Variants in STK33 observed in about 807,000 individuals in gnomAD.
The protein encoded by STK33 is serine/threonine kinase 33.
In STK33, 52 loss-of-function variants were observed where a neutral mutation model predicts 58.0. That is an observed-to-expected ratio of 0.90 (90% CI 0.72 to 1.13). STK33 has a LOEUF of 1.13. Among genes scored for constraint, STK33 ranks in the 50% most tolerant of loss-of-function variants. The probability of loss-of-function intolerance (pLI) is 0.00; values close to 1 mark genes in which losing one functional copy is unlikely to be tolerated. For synonymous variants in STK33, 215 were observed against 200.1 expected (o/e 1.07, Z -0.63); for missense variants, 630 against 604.2 (o/e 1.04, Z -0.45).
chr11:8,470,634 G>C (rs193119931), intron 6 of STK33, among the ~76,000 whole-genome samples: 3 of 152,052 alleles, frequency 2.0e-5, no homozygotes, highest in South Asian at 2.1e-4. Context: ...TCTGGCTTTC[G>C]ATTTAAAGTG....
intron 15 of STK33, among the ~76,000 whole-genome samples, chr11:8,399,099 G>C (rs994807574): frequency 6.6e-6 from 1 of 152,174 alleles, no homozygotes; most frequent in Admixed American, 6.5e-5. Flanking sequence ...ATTGAACTCA[G>C]CTCTGCACCA....
intron 9 of STK33, among the ~76,000 whole-genome samples, chr11:8,456,882 G>A (rs982867485): frequency 1.3e-5 from 2 of 152,034 alleles, no homozygotes; most frequent in African/African-American, 4.8e-5. Flanking sequence ...ATCTAGTGGG[G>A]GATTTTGACA....
At chr11:8,572,828 G>A (rs916525400) in intron 1 of STK33, among the ~76,000 whole-genome samples, 21 of 151,658 alleles carry the variant, frequency 1.4e-4, no homozygotes, top group South Asian at 6.3e-4. Flanking sequence ...AGATACTGCC[G>A]AAGAAAAAAA....
chr11:8,517,733 G>T (rs1367519503), intron 1 of STK33, among the ~76,000 whole-genome samples: 2 of 151,980 alleles, frequency 1.3e-5, no homozygotes, highest in African/African-American at 2.4e-5. Flanking sequence ...AGGAGGAAAG[G>T]GTATCAGTGA....
chr11:8,458,936 C>T (rs777010623), intron 8 of STK33, among the ~76,000 whole-genome samples: 8 of 152,270 alleles, frequency 5.3e-5, no homozygotes, highest in African/African-American at 1.9e-4. Context: ...TAGCGCAATT[C>T]AGATTCACTG....
intron 1 of STK33, among the ~76,000 whole-genome samples, chr11:8,544,384 T>C (rs1420267288): frequency 6.7e-6 from 1 of 148,850 alleles, no homozygotes; most frequent in Non-Finnish European, 1.5e-5. Flanking sequence ...ATATATTCCA[T>C]ATTTATCCTT....
At chr11:8,452,310 G>C (rs1373989315) in intron 11 of STK33, among the ~76,000 whole-genome samples, 1 of 152,140 alleles carries the variant, frequency 6.6e-6, no homozygotes, top group Non-Finnish European at 1.5e-5. Context: ...ACAACTTTAA[G>C]AAGAGCCCAG....
chr11:8,498,920 C>T (rs1440190538), intron 1 of STK33, among the ~76,000 whole-genome samples: 1 of 152,156 alleles, frequency 6.6e-6, no homozygotes, highest in African/African-American at 2.4e-5. Flanking sequence ...ATACCTTATA[C>T]AAAAATTAAC....
intron 1 of STK33, among the ~76,000 whole-genome samples, chr11:8,509,926 T>C (rs1299459996): frequency 6.6e-6 from 1 of 152,222 alleles, no homozygotes; most frequent in African/African-American, 2.4e-5. Flanking sequence ...TTTAGGTTGG[T>C]TCCATATTTT....
intron 1 of STK33, among the ~76,000 whole-genome samples, chr11:8,526,637 G>A (rs960082643): frequency 2.0e-5 from 3 of 151,832 alleles, no homozygotes; most frequent in Non-Finnish European, 4.4e-5. Context: ...GGATGAATAC[G>A]ATGGTATATT....
At chr11:8,401,556 A>G (rs1030783265) in intron 15 of STK33, among the ~76,000 whole-genome samples, 1 of 152,226 alleles carries the variant, frequency 6.6e-6, no homozygotes, top group Admixed American at 6.5e-5. Flanking sequence ...GGACATAGGC[A>G]TGGGCAAGGA....
chr11:8,454,666 T>A (rs2137013874), intron 10 of STK33, 78 bp downstream of exon 10: 1 of 1,450,698 alleles, frequency 6.9e-7, no homozygotes, highest in Non-Finnish European at 9.1e-7. Flanking sequence ...GCAACATGTG[T>A]CTAAAAAGAG....
At chr11:8,358,103 GTCT>G in the STK33 span, among the ~76,000 whole-genome samples, 1 of 152,186 alleles carries the variant, frequency 6.6e-6, no homozygotes, top group Non-Finnish European at 1.5e-5. Flanking sequence ...CTGCCCACAT[GTCT>G]TCTATTATGA....
rs940325833 is a variant in STK33 at position 8,473,201 on chromosome 11, C to G, written c.301G>C (p.Val101Leu). 3.1e-6 allele frequency: 5 copies of G among 1,613,182 alleles called. No individual in the cohort carries two copies. The East Asian group carries it at 1.1e-4, about 36-fold the overall frequency. Residue 101 changes from valine to leucine, a missense_variant, in exon 6 of 16, where the codon GTT (valine) becomes CTT (leucine). Coordinates refer to ENST00000687296, the MANE Select transcript of STK33 (RefSeq NM_001352389.2). The part of the protein sequence containing the change: ...WGRGNFTEGK[V>L]PHIRIENGAA... ...CCATTCTCAATCCTTATGTGAGGAA[C>G]TTTTCCTTCTGTAAAGTTGCCCCGA... is the stretch of plus-strand genomic sequence containing the variant.
intron 1 of STK33, among the ~76,000 whole-genome samples, chr11:8,555,558 G>A (rs1956680484): frequency 6.6e-6 from 1 of 151,920 alleles, no homozygotes; most frequent in South Asian, 2.1e-4. Context: ...CCAGTTACTC[G>A]GGAGGCTGAG....
chr11:8,516,874 C>A (rs7935263), intron 1 of STK33, among the ~76,000 whole-genome samples: 1,839 of 152,270 alleles, frequency 0.012, 37 homozygotes, highest in African/African-American at 0.042. Flanking sequence ...CTCAAGGAGG[C>A]CTGCCTGCCT....
At chr11:8,462,711 G>C (rs2137340014) in intron 7 of STK33, among the ~76,000 whole-genome samples, 1 of 152,170 alleles carries the variant, frequency 6.6e-6, no homozygotes. Flanking sequence ...AAAAGGTAAA[G>C]TCAGTAACAC....
chr11:8,445,809 G>A (rs773704519), intron 11 of STK33, among the ~76,000 whole-genome samples: 19 of 152,210 alleles, frequency 1.2e-4, no homozygotes, highest in Admixed American at 7.2e-4. Context: ...TTTTCACATC[G>A]CTGTTCATCA....
At chr11:8,488,717 CA>C (rs1345562277) in intron 1 of STK33, among the ~76,000 whole-genome samples, 2 of 152,052 alleles carry the variant, frequency 1.3e-5, no homozygotes, top group Non-Finnish European at 2.9e-5. Context: ...CTACAACCAG[CA>C]GCAACAAAAC....
Sources: allele counts gnomAD v4.1 joint callset (sites outside exome capture counted in the v4.1 genomes callset), GRCh38; gene constraint gnomAD v4.1.1; transcripts MANE v1.5; gene names NCBI Gene and HGNC (gene_info 2026-07-23, HGNC 2026-07-21).